NOL4L: variants seen among roughly 807,000 people sequenced by gnomAD.
The protein encoded by NOL4L is nucleolar protein 4-like.
A neutral mutation model predicts 64.5 loss-of-function variants in NOL4L; 7 were observed. The ratio of observed to expected loss-of-function variants is 0.11; its 90% CI spans 0.06 to 0.20. The LOEUF (loss-of-function observed/expected upper bound fraction) is 0.20. NOL4L is among the 10% of genes least tolerant of loss of function. The probability of loss-of-function intolerance (pLI) is 1.00; values close to 1 mark genes in which losing one functional copy is unlikely to be tolerated. For synonymous variants in NOL4L, 413 were observed against 401.0 expected (o/e 1.03, Z -0.36); for missense variants, 680 against 967.1 (o/e 0.70, Z 3.94).
chr20:32,565,420 G>A (rs6058739), intron 1 of NOL4L, among the ~76,000 whole-genome samples: 1 of 152,198 alleles, frequency 6.6e-6, no homozygotes, highest in African/African-American at 2.4e-5. Context: ...AAATCTGCAA[G>A]GCGCTATTAT....
chr20:32,534,519 A>C (rs368298291), intron 1 of NOL4L, among the ~76,000 whole-genome samples: 3 of 152,342 alleles, frequency 2.0e-5, no homozygotes, highest in African/African-American at 7.2e-5. Flanking sequence ...CAACTTCTGC[A>C]ATCATGCCAT....
intron 4 of NOL4L, among the ~76,000 whole-genome samples, chr20:32,504,542 A>G (rs2017058978): frequency 6.7e-6 from 1 of 149,440 alleles, no homozygotes; most frequent in Admixed American, 6.6e-5. Context: ...CCTGGGTGAC[A>G]GAGTGAGACT....
chr20:32,488,502 CCT>C (rs922922741), intron 4 of NOL4L, among the ~76,000 whole-genome samples: 5 of 152,160 alleles, frequency 3.3e-5, no homozygotes, highest in African/African-American at 9.7e-5. Context: ...GGGTCACATC[CCT>C]CTCTCTAAAT....
intron 1 of NOL4L, among the ~76,000 whole-genome samples, chr20:32,530,369 G>GTC (rs2018300103): frequency 6.6e-6 from 1 of 152,080 alleles, no homozygotes; most frequent in Admixed American, 6.5e-5. Flanking sequence ...GTGAAACCCT[G>GTC]TCTCTACTAA....
At chr20:32,569,285 C>A (rs1979621294) in intron 1 of NOL4L, among the ~76,000 whole-genome samples, 1 of 152,184 alleles carries the variant, frequency 6.6e-6, no homozygotes, top group Non-Finnish European at 1.5e-5. Flanking sequence ...GGCCAAGGAA[C>A]TGGAAAGAGG....
chr20:32,560,605 C>T (rs1364686005), intron 1 of NOL4L, among the ~76,000 whole-genome samples: 1 of 152,238 alleles, frequency 6.6e-6, no homozygotes, highest in Non-Finnish European at 1.5e-5. Flanking sequence ...TTAATCCTCC[C>T]AACAACCCTA....
chr20:32,544,342 C>T (rs1011114925), intron 1 of NOL4L, among the ~76,000 whole-genome samples: 2 of 151,700 alleles, frequency 1.3e-5, no homozygotes, highest in Non-Finnish European at 2.9e-5. Flanking sequence ...TACAAAGAGG[C>T]ATGGGGCCTT....
At chr20:32,535,567 C>T (rs1445224649) in intron 1 of NOL4L, 2 of 985,394 alleles carry the variant, frequency 2.0e-6, no homozygotes, top group African/African-American at 3.5e-5. Flanking sequence ...TTCTGCTTCG[C>T]TGAACCTCCA....
chr20:32,491,357 G>T (rs2016461579), intron 4 of NOL4L, among the ~76,000 whole-genome samples: 3 of 152,206 alleles, frequency 2.0e-5, no homozygotes, highest in Admixed American at 2.0e-4. Context: ...TGTTCATGAG[G>T]TGGAAAGGTG....
At chr20:32,536,140 A>G (rs1444435281) in intron 1 of NOL4L, 3 of 985,362 alleles carry the variant, frequency 3.0e-6, no homozygotes, top group Non-Finnish European at 3.6e-6. Context: ...CACAAACAGC[A>G]CCCGCCCTAG....
chr20:32,453,735 G>A lies in NOL4L; in HGVS notation c.1146C>T (p.Tyr382=), dbSNP rs377221711. 62 of 1,554,756 alleles carry A rather than the reference G, an allele frequency of 4.0e-5. No homozygotes were observed. The East Asian group carries it at 1.3e-3, about 33-fold the overall frequency. ...CGCTGACCTCGGTCTTGATGGAATC[G>A]TAGCTCCCAGAGCTGTAGGGGGGGG... ...PESPPYSSGS[Y]DSIKTEVSGC... is the part of the protein sequence containing the mutation. Residue 382 remains tyrosine, a synonymous_variant, in exon 7 of 11, where the codon TAC becomes TAT. Transcript: ENST00000621426. The surrounding 1 kb of genome is among the most constrained non-coding windows in gnomAD (Gnocchi z 5.6).
intron 1 of NOL4L, among the ~76,000 whole-genome samples, chr20:32,556,692 C>T (rs536166680): frequency 1.2e-4 from 19 of 152,310 alleles, no homozygotes; most frequent in African/African-American, 4.3e-4. Flanking sequence ...GTCCTCAGCC[C>T]CAGGGGAAAC....
At chr20:32,520,995 C>A in intron 2 of NOL4L, 73 bp from the exon 3 acceptor site, 1 of 953,160 alleles carries the variant, frequency 1.0e-6, no homozygotes, top group South Asian at 1.6e-5. Context: ...TCACCAAGGT[C>A]TGAGCTTTGG....
chr20:32,546,216 G>T (rs1280403947), intron 1 of NOL4L, among the ~76,000 whole-genome samples: 1 of 152,062 alleles, frequency 6.6e-6, no homozygotes, highest in Non-Finnish European at 1.5e-5. Context: ...AAAGTGCTGG[G>T]ATTACAGGCG....
intron 4 of NOL4L, among the ~76,000 whole-genome samples, chr20:32,509,053 A>G (rs1028641710): frequency 7.9e-5 from 12 of 152,060 alleles, no homozygotes; most frequent in Non-Finnish European, 1.5e-4. Context: ...TTTCTGAGGC[A>G]CAGCTTCCCT....
At chr20:32,493,566 T>A (rs1218449199) in intron 4 of NOL4L, among the ~76,000 whole-genome samples, 2 of 152,194 alleles carry the variant, frequency 1.3e-5, no homozygotes, top group Non-Finnish European at 2.9e-5. Context: ...CAGCAGGGAC[T>A]TGTTTTTGAA....
intron 1 of NOL4L, among the ~76,000 whole-genome samples, chr20:32,584,133 G>GCGCACACACACACACA (rs1555811186): frequency 2.3e-5 from 2 of 88,820 alleles, no homozygotes; most frequent in African/African-American, 1.0e-4. Flanking sequence ...CTCCGCGCGC[G>GCGCACACACACACACA]CACACACACA....
chr20:32,528,552 C>A (rs1303732869), intron 1 of NOL4L, among the ~76,000 whole-genome samples: 3 of 152,250 alleles, frequency 2.0e-5, no homozygotes, highest in African/African-American at 7.2e-5. Flanking sequence ...GCCGTGGGCC[C>A]CGAGCCTCTT....
chr20:32,468,827 AG>A (rs2014766361), intron 5 of NOL4L, among the ~76,000 whole-genome samples: 1 of 147,990 alleles, frequency 6.8e-6, no homozygotes, highest in South Asian at 2.2e-4. Context: ...TGAACCTGGA[AG>A]GCGGAGGTTG....
Sources: gnomAD v4.1 joint callset for allele counts (sites outside exome capture counted in the v4.1 genomes callset) on GRCh38, gnomAD v4.1.1 for gene constraint, Gnocchi (gnomAD v3.1) non-coding constraint, MANE v1.5 for transcripts, NCBI Gene and HGNC (gene_info 2026-07-23, HGNC 2026-07-21) for gene names.